Variants in DLG3 observed in about 807,000 individuals in gnomAD.
DLG3 encodes the protein discs large MAGUK scaffold protein 3.
Under a neutral mutation model 64.1 loss-of-function variants are expected in DLG3, and 1 was observed. The observed-to-expected ratio is 0.02, with a 90% CI of 0.01 to 0.07. The LOEUF (loss-of-function observed/expected upper bound fraction) is 0.07, where lower values mean the gene tolerates loss of function less well. Among genes scored for constraint, DLG3 ranks in the 10% least tolerant of loss-of-function variants. DLG3 has a pLI of 1.00. For missense variants in DLG3, 429 were observed against 669.5 expected (o/e 0.64, Z 3.96); for synonymous variants, 245 against 259.8 (o/e 0.94, Z 0.55).
chrX:70,445,144 T>TGGC lies in DLG3; in HGVS notation c.-50_-48dup. Reference sequence around the variant, plus strand: ...GCGGCGGCGGCGGTGGTGGCGGCGGTGGCGGCGGCGTGGAATCCGGCGTGG... The same window carrying TGGC: ...GCGGCGGCGGCGGTGGTGGCGGCGGTGGCGGCGGCGGCGTGGAATCCGGCGTGG... On this transcript the variant is annotated 5_prime_UTR_variant, in exon 1 of 19. Transcript: ENST00000374360. 1.0e-6 allele frequency: 1 copy of TGGC among 966,984 alleles called. No homozygotes were observed. The highest frequency in any genetic ancestry group is 1.4e-6 in the Non-Finnish European group (1 of 723,330). 79.7% of individuals were successfully genotyped at this position (966,984 alleles called of 1,213,427 possible).
At position 70,452,030 on chromosome X, in the gene DLG3, A is replaced by T; in HGVS notation, c.1145+4A>T. ...TGGCTGAGGAGGACTTCACCAGGTA[A>T]GACCCCGCCCCCAACATCCCATTCA... On this transcript the variant is annotated splice_donor_region_variant and intron_variant, in intron 7 of 18. Transcript: ENST00000374360. The T allele has an allele frequency of 8.3e-7, 1 of 1,210,114 alleles. No individual in the cohort carries two copies. The highest frequency in any genetic ancestry group is 1.1e-6 in the Non-Finnish European group (1 of 894,971).
intron 13 of DLG3, among the ~76,000 whole-genome samples, chrX:70,496,302 G>A (rs948378283): frequency 8.9e-6 from 1 of 112,444 alleles, no homozygotes; most frequent in Admixed American, 9.4e-5. Context: ...CTTTCTGGGT[G>A]GGGGGGCCAC....
Position 70,479,132 on chromosome X carries a change from C to T in DLG3, c.1406-18C>T, listed in dbSNP as rs749024129. 6.8e-6 allele frequency: 8 copies of T among 1,182,584 alleles called. No homozygotes were observed. The Admixed American group carries it at 8.7e-5, about 13-fold the overall frequency. Reference sequence around the variant, plus strand: ...TGAGTTCATTCTTTTCCCATCTTTTCCCTTGTTTCCGTGACAGAATACAGT... The same window carrying T: ...TGAGTTCATTCTTTTCCCATCTTTTTCCTTGTTTCCGTGACAGAATACAGT... On this transcript the variant is annotated intron_variant, in intron 9 of 18. Transcript: ENST00000374360.
At position 70,503,175 on chromosome X, in the gene DLG3, G is replaced by A. The variant is rs1602999142; in HGVS notation, c.*906G>A. On this transcript the variant is annotated 3_prime_UTR_variant, in exon 19 of 19. Coordinates refer to ENST00000374360, the MANE Select transcript of DLG3 (RefSeq NM_021120.4). ...GAGAGAATGGCTAATGATGCTCCGC[G>A]TGGAATTGCCTATTGTTTTATGCCA... The A allele has an allele frequency of 1.8e-5, 2 of 112,382 alleles. No homozygotes were observed. Among genetic ancestry groups the A allele is most frequent in the South Asian group, 3.7e-4 (1 of 2,710 alleles). 9.3% of individuals were successfully genotyped at this position (112,382 alleles called of 1,213,427 possible).
At chrX:70,452,725 T>C (rs780557337) in intron 7 of DLG3, 1 of 1,196,417 alleles carries the variant, frequency 8.4e-7, no homozygotes. Flanking sequence ...GCCTGGCCGC[T>C]CCGCTCCCTG....
In DLG3 at chrX:70,468,070, T is replaced by G. The variant is rs765917063; in HGVS notation, c.1406-11080T>G. ...CCAGGTAGATTTTTTTTTGTTTGTT[T>G]GTTTCATTTTTGTTTATGAGATGGA... On this transcript the variant is annotated intron_variant, in intron 9 of 18. Coordinates refer to ENST00000374360, the MANE Select transcript of DLG3 (RefSeq NM_021120.4). 2.2e-4 allele frequency among the ~76,000 whole-genome samples: 25 copies of G among 111,365 alleles called. No homozygotes were observed. In the East Asian group the frequency reaches 6.5e-3, roughly 29 times the overall value.
Position 70,500,628 on chromosome X carries a change from T to C in DLG3, c.2255+48T>C, listed in dbSNP as rs760002368. The C allele has an allele frequency of 3.0e-5, 30 of 1,014,190 alleles. No homozygotes were observed. In the South Asian group the frequency reaches 5.4e-4, roughly 18 times the overall value. 83.6% of individuals were successfully genotyped at this position (1,014,190 alleles called of 1,213,427 possible). A position where few individuals can be genotyped will look rare whatever the true frequency, so the allele number is the denominator to read the frequency against. ...AGACACACCAAGCTAAGATCGGGTC[T>C]GGAAGGGAAATGGAGAAGAAAGTGA... is the stretch of plus-strand genomic sequence containing the variant. On this transcript the variant is annotated intron_variant, in intron 17 of 18. Coordinates refer to ENST00000374360, the MANE Select transcript of DLG3 (RefSeq NM_021120.4).
chrX:70,449,673 T>C lies in DLG3; in HGVS notation c.534-17T>C. 8.3e-7 allele frequency: 1 copy of C among 1,209,146 alleles called. No individual in the cohort carries two copies. The highest frequency in any genetic ancestry group is 1.1e-6 in the Non-Finnish European group (1 of 894,865). ...GGGTAGGGGCACAGTGTCATGCCTC[T>C]CGGGCTTCCCCCACAGGGTGAATGA... On this transcript the variant is annotated splice_polypyrimidine_tract_variant and intron_variant, in intron 3 of 18. Transcript: ENST00000374360.
chrX:70,469,779 G>A (rs926813288), intron 9 of DLG3, among the ~76,000 whole-genome samples: 1 of 111,686 alleles, frequency 9.0e-6, no homozygotes, highest in Admixed American at 9.5e-5. Flanking sequence ...GAACCATAGT[G>A]TGAAGGTTTA....
chrX:70,456,353 A>T (rs1323176853), intron 9 of DLG3, among the ~76,000 whole-genome samples: 1 of 112,394 alleles, frequency 8.9e-6, no homozygotes, highest in African/African-American at 3.2e-5. Flanking sequence ...TTGTGTGTGT[A>T]TGTTGTAGGA....
At chrX:70,468,127 C>T (rs1356322331) in intron 9 of DLG3, among the ~76,000 whole-genome samples, 14 of 111,102 alleles carry the variant, frequency 1.3e-4, no homozygotes, top group African/African-American at 3.6e-4. Context: ...TGGAGTGCAG[C>T]GGCGCGATCT....
intron 9 of DLG3, chrX:70,455,962 C>T (rs1024182479): frequency 1.8e-5 from 2 of 111,844 alleles, no homozygotes; most frequent in African/African-American, 6.5e-5. Context: ...CTTTCCGTTC[C>T]CCTCCCCCCA....
At chrX:70,482,540 T>C (rs986856600) in intron 10 of DLG3, among the ~76,000 whole-genome samples, 1 of 110,913 alleles carries the variant, frequency 9.0e-6, no homozygotes, top group African/African-American at 3.3e-5. Flanking sequence ...TAAAGTGTGG[T>C]TCTTTCAGTG....
chrX:70,492,383 T>G, intron 11 of DLG3, 100 bp downstream of exon 11: 1 of 1,132,858 alleles, frequency 8.8e-7, no homozygotes. Flanking sequence ...CGTTTGTGCC[T>G]TGATTCCTTT....
chrX:70,482,662 GT>G (rs774419870), intron 10 of DLG3, among the ~76,000 whole-genome samples: 52 of 66,077 alleles, frequency 7.9e-4, no homozygotes, highest in South Asian at 4.9e-3. Context: ...CATGTGTGGT[GT>G]TTTTTTTTTT....
rs776578703 is a variant in DLG3 at position 70,503,567 on chromosome X, CT to C, written c.*1300del. On this transcript the variant is annotated 3_prime_UTR_variant, in exon 19 of 19. Coordinates refer to ENST00000374360, the MANE Select transcript of DLG3 (RefSeq NM_021120.4). ...GGATGGCGGGACAGCACTTGGCTTG[CT>C]TGGCCAGCTGCGTCATGAGTTTGAT... The C allele has an allele frequency of 9.0e-6, 1 of 110,810 alleles. No individual in the cohort carries two copies. Among genetic ancestry groups the C allele is most frequent in the Non-Finnish European group, 1.9e-5 (1 of 52,892 alleles). The allele number at this position is 110,810 out of a possible 1,213,427, so 9.1% of individuals were successfully genotyped here. A position where few individuals can be genotyped will look rare whatever the true frequency, so the allele number is the denominator to read the frequency against.
intron 10 of DLG3, among the ~76,000 whole-genome samples, chrX:70,489,694 C>T (rs971523692): frequency 3.6e-5 from 4 of 111,466 alleles, no homozygotes; most frequent in African/African-American, 9.8e-5. Flanking sequence ...AACATGTTTA[C>T]GTCAACTCTA....
chrX:70,455,289 G>A (rs1462005937), intron 9 of DLG3: 109 of 752,211 alleles, frequency 1.4e-4, no homozygotes, highest in Non-Finnish European at 1.7e-4. Context: ...CGGGGGTCAG[G>A]CCCCCTCGCA....
chrX:70,482,662 G>GTTTTTTT lies in DLG3; in HGVS notation c.1520+3415_1520+3421dup, dbSNP rs774419870. Among the ~76,000 whole-genome samples, 600 of 65,629 alleles carry GTTTTTTT rather than the reference G, an allele frequency of 9.1e-3. 5 individuals carry two copies. Among genetic ancestry groups the GTTTTTTT allele is most frequent in the African/African-American group, 0.021 (336 of 16,358 alleles). 57.0% of individuals were successfully genotyped at this position (65,629 alleles called of 115,157 possible). A position where few individuals can be genotyped will look rare whatever the true frequency, so the allele number is the denominator to read the frequency against. Reference sequence around the variant, plus strand: ...AGGTTTGGGAAAATACATGTGTGGTGTTTTTTTTTTTTTTTTTTTTTTTGA... The same window carrying GTTTTTTT: ...AGGTTTGGGAAAATACATGTGTGGTGTTTTTTTTTTTTTTTTTTTTTTTTTTTTTTGA... On this transcript the variant is annotated intron_variant, in intron 10 of 18. Transcript: ENST00000374360.
Sources: allele counts gnomAD v4.1 joint callset (sites outside exome capture counted in the v4.1 genomes callset), GRCh38; gene constraint gnomAD v4.1.1; transcripts MANE v1.5; gene names NCBI Gene and HGNC (gene_info 2026-07-23, HGNC 2026-07-21).